Variants in MXI1 observed in about 807,000 individuals in gnomAD.
The protein encoded by MXI1 is max-interacting protein 1.
MXI1 carries 18 observed loss-of-function variants against 36.9 expected under a neutral mutation model. That is an observed-to-expected ratio of 0.49 (90% confidence interval 0.34 to 0.72). The LOEUF (loss-of-function observed/expected upper bound fraction) is 0.72. MXI1 is among the 30% of genes least tolerant of loss of function. The probability of loss-of-function intolerance (pLI) is 0.01; values close to 1 mark genes in which losing one functional copy is unlikely to be tolerated. For synonymous variants in MXI1, 160 were observed against 146.7 expected (o/e 1.09, Z -0.65); for missense variants, 304 against 379.1 (o/e 0.80, Z 1.64).
intron 3 of MXI1, 42 bp from the exon 4 acceptor site, chr10:110,279,138 A>G: frequency 7.0e-7 from 1 of 1,419,640 alleles, no homozygotes; most frequent in Non-Finnish European, 9.9e-7. Context: ...ATTTCTAGTG[A>G]AATAACCAGA....
At chr10:110,229,705 G>T (rs1855193892) in intron 2 of MXI1, among the ~76,000 whole-genome samples, 1 of 152,072 alleles carries the variant, frequency 6.6e-6, no homozygotes, top group African/African-American at 2.4e-5. Context: ...TTGTAGTATG[G>T]TGTATTTGAG....
At chr10:110,235,039 C>T (rs1855407685) in intron 2 of MXI1, among the ~76,000 whole-genome samples, 1 of 152,036 alleles carries the variant, frequency 6.6e-6, no homozygotes, top group South Asian at 2.1e-4. Context: ...ATCCCCATGC[C>T]CCACCTCTCT....
At chr10:110,248,628 C>G (rs1004045677) in intron 3 of MXI1, among the ~76,000 whole-genome samples, 17 of 152,176 alleles carry the variant, frequency 1.1e-4, no homozygotes, top group Admixed American at 9.2e-4. Flanking sequence ...TACCTTACTT[C>G]ACTTAAGGCA....
chr10:110,280,746 G>A lies in MXI1; in HGVS notation c.724+661G>A, dbSNP rs947676712. 2.0e-5 allele frequency among the ~76,000 whole-genome samples: 3 copies of A among 151,756 alleles called. No individual in the cohort carries two copies. The East Asian group carries it at 5.8e-4, about 29-fold the overall frequency. ...AATCCATTGTGTCAGGAAGATACAC[G>A]ATGTCGAAGTTTTTACTACTGGTGA... On this transcript the variant is annotated intron_variant, in intron 5 of 5. Transcript: ENST00000332674.
intron 3 of MXI1, among the ~76,000 whole-genome samples, chr10:110,269,520 A>G (rs1339572714): frequency 6.6e-6 from 1 of 152,238 alleles, no homozygotes; most frequent in East Asian, 1.9e-4. Context: ...CATCCTGGAC[A>G]ATAATTTGAT....
chr10:110,226,338 TGC>T, intron 1 of MXI1: 1 of 1,421,462 alleles, frequency 7.0e-7, no homozygotes, highest in Non-Finnish European at 9.2e-7. Context: ...TTTTCGGCAG[TGC>T]GGTGCGGCCG....
At chr10:110,283,592 A>AC (rs1352043079) in intron 5 of MXI1, among the ~76,000 whole-genome samples, 1 of 151,342 alleles carries the variant, frequency 6.6e-6, no homozygotes, top group Non-Finnish European at 1.5e-5. Flanking sequence ...ATTAGTGTGA[A>AC]CCCTTAAAAA....
chr10:110,226,095 GC>G, intron 1 of MXI1: 1 of 1,135,464 alleles, frequency 8.8e-7, no homozygotes, highest in South Asian at 3.7e-5. Flanking sequence ...GGCCGAGCTG[GC>G]CCGCCCGCCC....
At position 110,236,124 on chromosome 10, in the gene MXI1, C is replaced by CTTTTTT. The variant is rs60576710; in HGVS notation, c.407+7837_407+7842dup. On this transcript the variant is annotated intron_variant, in intron 2 of 5. Transcript: ENST00000332674. ...AGGGTGTGAAGTAAAGGTTGAAGTTCTTTTTTTTTTTTTTTTTTTTTTTTT... is the reference window on the plus strand; with the variant it reads ...AGGGTGTGAAGTAAAGGTTGAAGTTCTTTTTTTTTTTTTTTTTTTTTTTTTTTTTTT... Among the ~76,000 whole-genome samples the CTTTTTT allele has an allele frequency of 8.0e-4, 27 of 33,576 alleles. 11 individuals carry two copies. The highest frequency in any genetic ancestry group is 1.4e-3 in the Non-Finnish European group (25 of 17,976). The allele number at this position is 33,576 out of a possible 152,430, so 22.0% of individuals were successfully genotyped here. A position where few individuals can be genotyped will look rare whatever the true frequency, so the allele number is the denominator to read the frequency against.
At chr10:110,231,364 C>A (rs532532867) in intron 2 of MXI1, among the ~76,000 whole-genome samples, 3 of 124,690 alleles carry the variant, frequency 2.4e-5, no homozygotes, top group East Asian at 2.2e-4. Context: ...GATAATCCAC[C>A]CCCCCCCCCT....
intron 1 of MXI1, among the ~76,000 whole-genome samples, chr10:110,211,883 T>G (rs540708041): frequency 1.3e-5 from 2 of 152,228 alleles, no homozygotes; most frequent in East Asian, 1.9e-4. Context: ...TACCACAAAT[T>G]CAGAAATTAT....
chr10:110,244,877 C>A lies in MXI1; in HGVS notation c.437+20C>A. 6.2e-7 allele frequency: 1 copy of A among 1,604,408 alleles called. No homozygotes were observed. Among genetic ancestry groups the A allele is most frequent in the Non-Finnish European group, 8.5e-7 (1 of 1,176,038 alleles). On this transcript the variant is annotated intron_variant, in intron 3 of 5. Coordinates refer to ENST00000332674, the MANE Select transcript of MXI1 (RefSeq NM_130439.3). ...GAATCGGTGAGTCAGTGATGAGGTA[C>A]AGCTTTCACTTACGTTTAAAAGCAA...
At chr10:110,260,301 C>T (rs1003058641) in intron 3 of MXI1, among the ~76,000 whole-genome samples, 2 of 151,916 alleles carry the variant, frequency 1.3e-5, no homozygotes, top group Non-Finnish European at 1.5e-5. Context: ...TCTTAGAAAT[C>T]CCTGCCTACA....
chr10:110,253,672 T>A (rs1856181567), intron 3 of MXI1, among the ~76,000 whole-genome samples: 1 of 152,020 alleles, frequency 6.6e-6, no homozygotes, highest in Admixed American at 6.6e-5. Flanking sequence ...AAGTCAAACT[T>A]TTATTCTAGG....
rs2134487217 is a variant in MXI1 at position 110,285,249 on chromosome 10, G to C, written c.*262G>C. 9.4e-6 allele frequency: 3 copies of C among 317,776 alleles called. No homozygotes were observed. Among genetic ancestry groups the C allele is most frequent in the Non-Finnish European group, 1.7e-5 (3 of 175,086 alleles). The allele number at this position is 317,776 out of a possible 1,614,324, so 19.7% of individuals were successfully genotyped here. A position where few individuals can be genotyped will look rare whatever the true frequency, so the allele number is the denominator to read the frequency against. The stretch of plus-strand genomic sequence containing the variant: ...AATTTTTAATGGCAGCAGAAAACTT[G>C]TGTGAAATTTTCTTGATTTGAGTTG... On this transcript the variant is annotated 3_prime_UTR_variant, in exon 6 of 6. Coordinates refer to ENST00000332674, the MANE Select transcript of MXI1 (RefSeq NM_130439.3).
chr10:110,222,246 G>A (rs913263377), intron 1 of MXI1, among the ~76,000 whole-genome samples: 1 of 152,102 alleles, frequency 6.6e-6, no homozygotes, highest in Non-Finnish European at 1.5e-5. Context: ...ATTTGAAAAC[G>A]CCCATCCTTA....
At chr10:110,252,366 G>A (rs1028827593) in intron 3 of MXI1, among the ~76,000 whole-genome samples, 2 of 152,204 alleles carry the variant, frequency 1.3e-5, no homozygotes, top group Admixed American at 6.5e-5. Context: ...CCTACAAAGT[G>A]CACCACTCTA....
chr10:110,284,366 C>T (rs994596785), intron 5 of MXI1, among the ~76,000 whole-genome samples: 13 of 152,230 alleles, frequency 8.5e-5, no homozygotes, highest in African/African-American at 3.1e-4. Context: ...TGTAGAATGG[C>T]ACCACCAAAG....
chr10:110,209,395 C>A (rs1472381275), intron 1 of MXI1, among the ~76,000 whole-genome samples: 1 of 151,806 alleles, frequency 6.6e-6, no homozygotes, highest in Non-Finnish European at 1.5e-5. Context: ...GATCTTGCAA[C>A]CTTCCCCCCA....
Sources: gnomAD v4.1 joint callset for allele counts (sites outside exome capture counted in the v4.1 genomes callset) on GRCh38, gnomAD v4.1.1 for gene constraint, MANE v1.5 for transcripts, NCBI Gene and HGNC (gene_info 2026-07-23, HGNC 2026-07-21) for gene names.